The following CNTN5 variants were observed in gnomAD, a reference collection of about 807,000 sequenced individuals.
CNTN5 encodes contactin 5, also known as contactin-5.
CNTN5 carries 77 observed loss-of-function variants against 129.1 expected under a neutral mutation model. That is an observed-to-expected ratio of 0.60 (90% CI 0.50 to 0.72). The LOEUF (loss-of-function observed/expected upper bound fraction) is 0.72, where lower values mean the gene tolerates loss of function less well. CNTN5 is among the 30% of genes least tolerant of loss of function. The pLI is 0.00. For missense variants in CNTN5, 1,478 were observed against 1,328.8 expected (o/e 1.11, Z -1.75); for synonymous variants, 509 against 465.6 (o/e 1.09, Z -1.20).
chr11:99,686,681 T>G (rs1953808451), intron 3 of CNTN5, among the ~76,000 whole-genome samples: 1 of 152,108 alleles, frequency 6.6e-6, no homozygotes, highest in East Asian at 1.9e-4. Flanking sequence ...CGGGTGTATA[T>G]TTTCGGGGAC....
chr11:100,249,592 G>A (rs1387297397), intron 16 of CNTN5, among the ~76,000 whole-genome samples: 3 of 152,150 alleles, frequency 2.0e-5, no homozygotes, highest in African/African-American at 7.2e-5. Flanking sequence ...AAAATTTAAT[G>A]AGATTTCTAC....
intron 16 of CNTN5, among the ~76,000 whole-genome samples, chr11:100,248,592 C>A (rs1949897062): frequency 6.6e-6 from 1 of 151,870 alleles, no homozygotes. Flanking sequence ...TCCTTAAAAT[C>A]AAATAAAAAT....
At chr11:100,122,808 A>AT (rs1946070980) in intron 13 of CNTN5, among the ~76,000 whole-genome samples, 1 of 152,040 alleles carries the variant, frequency 6.6e-6, no homozygotes, top group Non-Finnish European at 1.5e-5. Context: ...AGTACTTTGG[A>AT]TTTTTTCCTG....
At chr11:100,274,027 C>T (rs1950456654) in intron 18 of CNTN5, among the ~76,000 whole-genome samples, 1 of 152,138 alleles carries the variant, frequency 6.6e-6, no homozygotes, top group Admixed American at 6.5e-5. Context: ...AACAGACATA[C>T]AGATGAGCGG....
At chr11:99,288,978 TAA>T (rs1173645094) in intron 1 of CNTN5, among the ~76,000 whole-genome samples, 2 of 151,822 alleles carry the variant, frequency 1.3e-5, no homozygotes, top group Admixed American at 6.6e-5. Context: ...AGAGCTATCA[TAA>T]AAGAGTAGCA....
chr11:100,215,328 G>A (rs991469192), intron 15 of CNTN5, among the ~76,000 whole-genome samples: 1 of 152,076 alleles, frequency 6.6e-6, no homozygotes, highest in Non-Finnish European at 1.5e-5. Context: ...AGTTACCAAG[G>A]CCAGTCCAGA....
chr11:99,095,042 T>C (rs182551208), intron 1 of CNTN5, among the ~76,000 whole-genome samples: 1 of 151,898 alleles, frequency 6.6e-6, no homozygotes, highest in Admixed American at 6.6e-5. Context: ...TGCAGGTTTG[T>C]TACATAGGTA....
chr11:99,374,035 A>G (rs985668724), intron 2 of CNTN5, among the ~76,000 whole-genome samples: 1 of 152,200 alleles, frequency 6.6e-6, no homozygotes, highest in Non-Finnish European at 1.5e-5. Flanking sequence ...TGAAAAAGTA[A>G]TATTTGAGGA....
At chr11:99,842,464 C>T (rs1947541399) in intron 4 of CNTN5, among the ~76,000 whole-genome samples, 1 of 152,124 alleles carries the variant, frequency 6.6e-6, no homozygotes, top group Non-Finnish European at 1.5e-5. Flanking sequence ...GCATTATTAT[C>T]CACAAATAAT....
chr11:99,346,515 G>A (rs1937888366), intron 2 of CNTN5, among the ~76,000 whole-genome samples: 1 of 152,164 alleles, frequency 6.6e-6, no homozygotes, highest in Admixed American at 6.5e-5. Context: ...CTACTGTGGT[G>A]GAGGAGGTGT....
At chr11:99,237,815 T>G (rs1861356844) in intron 1 of CNTN5, among the ~76,000 whole-genome samples, 1 of 152,216 alleles carries the variant, frequency 6.6e-6, no homozygotes, top group African/African-American at 2.4e-5. Flanking sequence ...TGGGTCCAAT[T>G]TTTATAAGCA....
chr11:99,809,656 A>T (rs1946373095), intron 3 of CNTN5, among the ~76,000 whole-genome samples: 1 of 152,138 alleles, frequency 6.6e-6, no homozygotes, highest in Non-Finnish European at 1.5e-5. Context: ...TGAACTTGAT[A>T]CTGAACATAA....
intron 1 of CNTN5, among the ~76,000 whole-genome samples, chr11:99,304,366 G>A (rs1864780758): frequency 6.6e-6 from 1 of 152,090 alleles, no homozygotes; most frequent in African/African-American, 2.4e-5. Flanking sequence ...TACACTTTGT[G>A]TAAGGAAAAT....
chr11:100,192,899 A>G (rs1024271677), intron 14 of CNTN5, among the ~76,000 whole-genome samples: 1 of 151,994 alleles, frequency 6.6e-6, no homozygotes, highest in Non-Finnish European at 1.5e-5. Flanking sequence ...AAAGGTACAA[A>G]AACAGGTACG....
intron 6 of CNTN5, among the ~76,000 whole-genome samples, chr11:99,915,773 T>G (rs1249554405): frequency 1.3e-5 from 2 of 152,142 alleles, no homozygotes; most frequent in Non-Finnish European, 2.9e-5. Flanking sequence ...AAATGACTCT[T>G]TGTGTTAAAA....
intron 2 of CNTN5, among the ~76,000 whole-genome samples, chr11:99,331,985 C>G (rs1866019766): frequency 6.6e-6 from 1 of 152,062 alleles, no homozygotes; most frequent in Non-Finnish European, 1.5e-5. Context: ...GATGAAACAT[C>G]CCAGCCAAAC....
Position 99,743,644 on chromosome 11 carries a change from A to G in CNTN5, c.56-75900A>G, listed in dbSNP as rs116343509. Among the ~76,000 whole-genome samples, 398 of 152,282 alleles carry G rather than the reference A, an allele frequency of 2.6e-3. 2 individuals are homozygous for G. Among genetic ancestry groups the G allele is most frequent in the African/African-American group, 9.1e-3 (376 of 41,538 alleles). ...AATAGACTCTCTGTAACTGTGGAGG[A>G]GGGATGTCATCCAGTCATACTTTAC... On this transcript the variant is annotated intron_variant, in intron 3 of 24. Transcript: ENST00000524871.
chr11:99,919,937 G>T (rs558730977), intron 7 of CNTN5, among the ~76,000 whole-genome samples: 2 of 151,938 alleles, frequency 1.3e-5, no homozygotes, highest in Admixed American at 6.6e-5. Context: ...TTATAGGCAT[G>T]AGCCACTGGG....
At chr11:99,961,331 G>A (rs1186545540) in intron 8 of CNTN5, among the ~76,000 whole-genome samples, 4 of 151,848 alleles carry the variant, frequency 2.6e-5, no homozygotes, top group South Asian at 2.1e-4. Flanking sequence ...GCTACCTGTC[G>A]CCCTTCTCAG....
Sources: allele counts gnomAD v4.1 joint callset (sites outside exome capture counted in the v4.1 genomes callset), GRCh38; gene constraint gnomAD v4.1.1; transcripts MANE v1.5; gene names NCBI Gene and HGNC (gene_info 2026-07-23, HGNC 2026-07-21).